SPMIP2: variants seen among roughly 807,000 people sequenced by gnomAD.
SPMIP2 encodes protein SPMIP2.
chr4:158,973,249 G>C, the SPMIP2 span: 37 of 1,613,698 alleles, frequency 2.3e-5, no homozygotes, highest in Non-Finnish European at 1.8e-5. Flanking sequence ...GCCAGATGCT[G>C]TTCTCCTACA....
the SPMIP2 span, among the ~76,000 whole-genome samples, chr4:158,950,533 G>A: frequency 6.6e-6 from 1 of 152,166 alleles, no homozygotes; most frequent in Non-Finnish European, 1.5e-5. Flanking sequence ...GAAAGCAAAA[G>A]CAAAACACTG....
At chr4:158,991,691 G>A in the SPMIP2 span, among the ~76,000 whole-genome samples, 117 of 152,272 alleles carry the variant, frequency 7.7e-4, 1 homozygote, top group Middle Eastern at 6.8e-3. Flanking sequence ...ATAAAGCATA[G>A]AATTGTCAGA....
At chr4:159,032,879 T>A in the SPMIP2 span, among the ~76,000 whole-genome samples, 1 of 151,532 alleles carries the variant, frequency 6.6e-6, no homozygotes, top group African/African-American at 2.4e-5. Flanking sequence ...CTGATGGACA[T>A]GCAAAATAGT....
chr4:159,015,212 G>C, the SPMIP2 span, among the ~76,000 whole-genome samples: 4 of 152,170 alleles, frequency 2.6e-5, no homozygotes, highest in Admixed American at 6.5e-5. Context: ...TGCAAGGAAT[G>C]CCTGTGTCCT....
chr4:159,056,793 A>T, the SPMIP2 span, among the ~76,000 whole-genome samples: 1 of 152,220 alleles, frequency 6.6e-6, no homozygotes, highest in African/African-American at 2.4e-5. Flanking sequence ...GTGGGGATCC[A>T]TGGGCTGGAG....
the SPMIP2 span, among the ~76,000 whole-genome samples, chr4:158,928,043 C>A: frequency 6.6e-6 from 1 of 152,310 alleles, no homozygotes; most frequent in East Asian, 1.9e-4. Flanking sequence ...CCCCCTGCTC[C>A]ACGGTGCCCA....
At chr4:158,998,578 A>C in the SPMIP2 span, among the ~76,000 whole-genome samples, 1 of 152,160 alleles carries the variant, frequency 6.6e-6, no homozygotes, top group Admixed American at 6.6e-5. Flanking sequence ...TTTTCTTATT[A>C]TTAGAGTTGT....
the SPMIP2 span, among the ~76,000 whole-genome samples, chr4:158,902,637 A>T: frequency 6.6e-6 from 1 of 152,252 alleles, no homozygotes; most frequent in East Asian, 1.9e-4. Context: ...TTTTATCTAT[A>T]AACCCCTAAC....
At chr4:159,034,066 G>C in the SPMIP2 span, among the ~76,000 whole-genome samples, 40 of 152,376 alleles carry the variant, frequency 2.6e-4, no homozygotes, top group African/African-American at 9.6e-4. Context: ...GAACCTGGGA[G>C]GTGGAGGGTG....
the SPMIP2 span, among the ~76,000 whole-genome samples, chr4:158,957,520 G>T: frequency 6.6e-6 from 1 of 152,086 alleles, no homozygotes; most frequent in East Asian, 1.9e-4. Context: ...TCCATCTCCT[G>T]GGTTCAAGTG....
the SPMIP2 span, among the ~76,000 whole-genome samples, chr4:158,963,783 A>T: frequency 6.6e-6 from 1 of 152,212 alleles, no homozygotes; most frequent in African/African-American, 2.4e-5. Flanking sequence ...GCTCTTAAAA[A>T]GATCTAGGCT....
chr4:159,030,463 TTTTA>T, the SPMIP2 span, among the ~76,000 whole-genome samples: 21,635 of 142,144 alleles, frequency 0.15, 1,712 homozygotes, highest in Admixed American at 0.19. Context: ...GAAAGCAAAA[TTTTA>T]TTTATTTATT....
At chr4:158,913,099 T>C in the SPMIP2 span, among the ~76,000 whole-genome samples, 3 of 152,206 alleles carry the variant, frequency 2.0e-5, no homozygotes, top group African/African-American at 7.2e-5. Context: ...AGTGAGGAAC[T>C]CCTCCACATT....
At chr4:159,013,541 C>T in the SPMIP2 span, among the ~76,000 whole-genome samples, 1 of 152,164 alleles carries the variant, frequency 6.6e-6, no homozygotes, top group Non-Finnish European at 1.5e-5. Flanking sequence ...AATGGCTTTT[C>T]CTCTGTACAG....
At chr4:159,041,329 A>G in the SPMIP2 span, among the ~76,000 whole-genome samples, 1 of 152,250 alleles carries the variant, frequency 6.6e-6, no homozygotes, top group Non-Finnish European at 1.5e-5. Context: ...TACACAAAAC[A>G]TTATAATTTC....
At chr4:159,018,440 G>A in the SPMIP2 span, among the ~76,000 whole-genome samples, 1 of 152,212 alleles carries the variant, frequency 6.6e-6, no homozygotes, top group African/African-American at 2.4e-5. Context: ...GCTGTGGCAA[G>A]CTCAGTCCAG....
chr4:159,047,919 A>G, the SPMIP2 span, among the ~76,000 whole-genome samples: 1 of 152,244 alleles, frequency 6.6e-6, no homozygotes, highest in Non-Finnish European at 1.5e-5. Flanking sequence ...GAACCATGAT[A>G]TGATAGCATG....
At chr4:158,912,383 T>C in the SPMIP2 span, among the ~76,000 whole-genome samples, 1 of 152,202 alleles carries the variant, frequency 6.6e-6, no homozygotes, top group Non-Finnish European at 1.5e-5. Context: ...TTTTCAACCA[T>C]CTATTTTGAT....
At chr4:158,915,176 C>G in the SPMIP2 span, 3 of 1,610,596 alleles carry the variant, frequency 1.9e-6, no homozygotes, top group Non-Finnish European at 2.5e-6. Flanking sequence ...ATACCTTTTC[C>G]TTTTTTGGTA....
Sources: gnomAD v4.1 joint callset for allele counts (sites outside exome capture counted in the v4.1 genomes callset) on GRCh38, gnomAD v4.1.1 for gene constraint, MANE v1.5 for transcripts, NCBI Gene and HGNC (gene_info 2026-07-23, HGNC 2026-07-21) for gene names.